The following PCDHGA11 variants were observed in gnomAD, a reference collection of about 807,000 sequenced individuals.
PCDHGA11 encodes the protein protocadherin gamma subfamily A, 11.
PCDHGA11 carries 39 observed loss-of-function variants against 60.4 expected under a neutral mutation model. That is an observed-to-expected ratio of 0.65 (90% CI 0.50 to 0.84). PCDHGA11 has a LOEUF of 0.84. PCDHGA11 is among the 40% of genes least tolerant of loss of function. The pLI is 0.00. For missense variants in PCDHGA11, 1,165 were observed against 1,197.7 expected (o/e 0.97, Z 0.40); for synonymous variants, 533 against 510.3 (o/e 1.04, Z -0.60).
intron 1 of PCDHGA11, chr5:141,427,972 C>A: frequency 6.3e-7 from 1 of 1,593,948 alleles, no homozygotes; most frequent in Non-Finnish European, 8.6e-7. Context: ...GTGCTGTACC[C>A]CGCGCTGGGG....
At chr5:141,430,902 T>C (rs373775073) in intron 1 of PCDHGA11, 4 of 1,606,232 alleles carry the variant, frequency 2.5e-6, no homozygotes, top group Admixed American at 3.4e-5. Context: ...GTGGGCGACA[T>C]CTCCAGGGAC....
rs151239937 is a variant in PCDHGA11, at chr5:141,485,980, G to A, written c.2434-8827G>A. 1.9e-6 allele frequency: 3 copies of A among 1,614,020 alleles called. No homozygotes were observed. The highest frequency in any genetic ancestry group is 2.5e-6 in the Non-Finnish European group (3 of 1,180,004). Reference sequence around the variant, plus strand: ...TCATCCAGCTCAATGCCTCAGACCCGGACCTGGGTCCCAGTGGTAACGTCA... The same window carrying A: ...TCATCCAGCTCAATGCCTCAGACCCAGACCTGGGTCCCAGTGGTAACGTCA... On this transcript the variant is annotated intron_variant, in intron 1 of 3. Coordinates refer to ENST00000398587, the MANE Select transcript of PCDHGA11 (RefSeq NM_018914.3). The surrounding 1 kb of genome is among the most constrained non-coding windows in gnomAD (Gnocchi z 5.7).
chr5:141,457,972 A>AC (rs1198043621), intron 1 of PCDHGA11, among the ~76,000 whole-genome samples: 4 of 152,218 alleles, frequency 2.6e-5, no homozygotes, highest in African/African-American at 9.6e-5. Flanking sequence ...TTAAAGGGAA[A>AC]CACACCCTTT....
chr5:141,423,243 C>G lies in PCDHGA11; in HGVS notation c.2016C>G (p.Val672=), dbSNP rs2096724455. 1 of 1,613,842 alleles carries G rather than the reference C, an allele frequency of 6.2e-7. No individual in the cohort carries two copies. Residue 672 remains valine, a synonymous_variant, in exon 1 of 4, where the codon GTC becomes GTG. Coordinates refer to ENST00000398587, the MANE Select transcript of PCDHGA11 (RefSeq NM_018914.3). ...TVAVADSIPE[V]LADLGSLESL... is the part of the protein sequence containing the mutation. ...CTGTGGCCGACAGCATCCCCGAAGT[C>G]CTGGCGGACCTCGGCAGCCTCGAGT... is the stretch of plus-strand genomic sequence containing the variant.
chr5:141,504,988 C>T (rs886919738), intron 2 of PCDHGA11, among the ~76,000 whole-genome samples: 2 of 152,036 alleles, frequency 1.3e-5, no homozygotes, highest in African/African-American at 4.8e-5. Context: ...ATGGTGAAAC[C>T]CCGTCTGTAC....
At chr5:141,479,470 T>G (rs2099497188) in intron 1 of PCDHGA11, 1 of 152,250 alleles carries the variant, frequency 6.6e-6, no homozygotes, top group African/African-American at 2.4e-5. Context: ...CAGTGACCTC[T>G]TGGGAGGGCA....
intron 1 of PCDHGA11, among the ~76,000 whole-genome samples, chr5:141,435,539 C>T (rs75717921): frequency 1.3e-5 from 2 of 152,226 alleles, no homozygotes; most frequent in South Asian, 4.1e-4. Flanking sequence ...TCAGAATTAA[C>T]AAAATGTGTT....
At chr5:141,473,236 A>G (rs1314160781) in intron 1 of PCDHGA11, among the ~76,000 whole-genome samples, 1 of 152,200 alleles carries the variant, frequency 6.6e-6, no homozygotes, top group Non-Finnish European at 1.5e-5. Flanking sequence ...GGATCCACAC[A>G]AGTGAATACA....
In PCDHGA11 at chr5:141,476,653, C is replaced by T; in HGVS notation, c.2434-18154C>T. ...CCTATGAGCTGAGCCGAAATGAATA[C>T]TTTGCGCTTCGCGTGCAGACGCGGG... is the stretch of plus-strand genomic sequence containing the variant. On this transcript the variant is annotated intron_variant, in intron 1 of 3. Transcript: ENST00000398587. The surrounding 1 kb of genome is among the most constrained non-coding windows in gnomAD (Gnocchi z 7.6). 6.2e-7 allele frequency: 1 copy of T among 1,614,270 alleles called. No individual in the cohort carries two copies. The highest frequency in any genetic ancestry group is 8.5e-7 in the Non-Finnish European group (1 of 1,180,058).
Position 141,491,987 on chromosome 5 carries a change from T to A in PCDHGA11, c.2434-2820T>A. The A allele has an allele frequency of 1.4e-6, 1 of 736,922 alleles. No individual in the cohort carries two copies. The highest frequency in any genetic ancestry group is 2.0e-6 in the Non-Finnish European group (1 of 490,378). The allele number at this position is 736,922 out of a possible 1,614,324, so 45.6% of individuals were successfully genotyped here. On this transcript the variant is annotated intron_variant, in intron 1 of 3. Coordinates refer to ENST00000398587, the MANE Select transcript of PCDHGA11 (RefSeq NM_018914.3). The surrounding 1 kb of genome is among the most constrained non-coding windows in gnomAD (Gnocchi z 6.9). ...GCCGGGGCCTCCTTCGAGCTTCCGG[T>A]GAATTTCGGGCGATTTCCGCGGGTG...
At position 141,476,669 on chromosome 5, in the gene PCDHGA11, C is replaced by G; in HGVS notation, c.2434-18138C>G. ...AAATGAATACTTTGCGCTTCGCGTGCAGACGCGGGAGGACAGCACCAAGTA... is the reference window on the plus strand; with the variant it reads ...AAATGAATACTTTGCGCTTCGCGTGGAGACGCGGGAGGACAGCACCAAGTA... On this transcript the variant is annotated intron_variant, in intron 1 of 3. Coordinates refer to ENST00000398587, the MANE Select transcript of PCDHGA11 (RefSeq NM_018914.3). This position sits in a 1 kb window ranked among gnomAD's most constrained non-coding sequence, Gnocchi z 7.6. 6.2e-7 allele frequency: 1 copy of G among 1,614,246 alleles called. No individual in the cohort carries two copies. The highest frequency in any genetic ancestry group is 1.1e-5 in the South Asian group (1 of 91,086).
intron 1 of PCDHGA11, among the ~76,000 whole-genome samples, chr5:141,425,919 G>C (rs11167745): frequency 0.3 from 45,848 of 152,124 alleles, 8,179 homozygotes; most frequent in African/African-American, 0.5. Context: ...CAGTCACTAC[G>C]AAAACTCATA....
chr5:141,449,622 T>A (rs889336036), intron 1 of PCDHGA11, among the ~76,000 whole-genome samples: 1 of 150,910 alleles, frequency 6.6e-6, no homozygotes, highest in African/African-American at 2.4e-5. Context: ...AAAAGTTTTT[T>A]AAAAAGATGT....
At position 141,489,985 on chromosome 5, in the gene PCDHGA11, G is replaced by A. The variant is rs761481986; in HGVS notation, c.2434-4822G>A. ...AACCTTCCAATCCTCAGTTCTACGT[G>A]TGGGAATCCCAGAGAATGCACCCAT... On this transcript the variant is annotated intron_variant, in intron 1 of 3. Transcript: ENST00000398587. The surrounding 1 kb of genome is among the most constrained non-coding windows in gnomAD (Gnocchi z 4.5). The A allele has an allele frequency of 1.2e-6, 2 of 1,614,094 alleles. No homozygotes were observed. Among genetic ancestry groups the A allele is most frequent in the African/African-American group, 2.7e-5 (2 of 74,946 alleles).
chr5:141,458,059 T>A (rs533147047), intron 1 of PCDHGA11, among the ~76,000 whole-genome samples: 1 of 152,238 alleles, frequency 6.6e-6, no homozygotes, highest in Admixed American at 6.5e-5. Flanking sequence ...CTTGCTGCAC[T>A]GATGCGAACA....
At position 141,430,677 on chromosome 5, in the gene PCDHGA11, T is replaced by C. The variant is rs888907330; in HGVS notation, c.2433+7017T>C. On this transcript the variant is annotated intron_variant, in intron 1 of 3. Coordinates refer to ENST00000398587, the MANE Select transcript of PCDHGA11 (RefSeq NM_018914.3). ...AACGGAGGAGCTCTGACTTCCCAAC[T>C]GTCCCATTCTATGGGCGAAGGAACT... 1.2e-5 allele frequency: 15 copies of C among 1,303,020 alleles called. No individual in the cohort carries two copies. In the African/African-American group the frequency reaches 2.1e-4, roughly 18 times the overall value. The allele number at this position is 1,303,020 out of a possible 1,614,324, so 80.7% of individuals were successfully genotyped here. A position where few individuals can be genotyped will look rare whatever the true frequency, so the allele number is the denominator to read the frequency against.
chr5:141,488,705 G>T (rs1024064135), intron 1 of PCDHGA11, among the ~76,000 whole-genome samples: 1 of 152,200 alleles, frequency 6.6e-6, no homozygotes, highest in Non-Finnish European at 1.5e-5. Context: ...AGATTTTGCT[G>T]GTTCAAGCAA....
chr5:141,447,864 T>A (rs2098553913), intron 1 of PCDHGA11, among the ~76,000 whole-genome samples: 1 of 152,098 alleles, frequency 6.6e-6, no homozygotes, highest in Non-Finnish European at 1.5e-5. Context: ...GGTGGGTGAA[T>A]CATCTGAGGT....
intron 1 of PCDHGA11, chr5:141,478,480 G>T: frequency 2.5e-6 from 4 of 1,613,564 alleles, no homozygotes; most frequent in Non-Finnish European, 3.4e-6. Flanking sequence ...GCCAGAACAC[G>T]CTGCGGAGCT....
Sources: allele counts gnomAD v4.1 joint callset (sites outside exome capture counted in the v4.1 genomes callset), GRCh38; gene constraint gnomAD v4.1.1; non-coding constraint Gnocchi (gnomAD v3.1); transcripts MANE v1.5; gene names NCBI Gene and HGNC (gene_info 2026-07-23, HGNC 2026-07-21).